Variants in GYG2 observed in about 807,000 individuals in gnomAD.
The protein encoded by GYG2 is glycogenin 2, also known as glycogenin-2.
A neutral mutation model predicts 29.4 loss-of-function variants in GYG2; 29 were observed. The ratio of observed to expected loss-of-function variants is 0.99; its 90% CI spans 0.74 to 1.35. GYG2 has a LOEUF of 1.35. Ranked by LOEUF, GYG2 falls within the 40% of genes most tolerant of loss-of-function variation. GYG2 has a pLI of 0.00. For synonymous variants in GYG2, 167 were observed against 172.3 expected (o/e 0.97, Z 0.24); for missense variants, 370 against 385.7 (o/e 0.96, Z 0.34).
intron 8 of GYG2, among the ~76,000 whole-genome samples, chrX:2,863,224 G>A (rs1186376212): frequency 1.8e-5 from 2 of 109,477 alleles, no homozygotes; most frequent in Admixed American, 9.7e-5. Flanking sequence ...GCAGGTGCCC[G>A]CCACCGCGCC....
rs1197552720 is a variant in GYG2 at position 2,846,014 on chromosome X, T to TAC, written c.149+2670_149+2671dup. The stretch of plus-strand genomic sequence containing the variant: ...ATATATGTATATATATACATATATA[T>TAC]ACACACACACATATATATACACATA... On this transcript the variant is annotated intron_variant, in intron 3 of 10. Coordinates refer to ENST00000398806, the MANE Select transcript of GYG2 (RefSeq NM_001079855.2). Among the ~76,000 whole-genome samples the TAC allele has an allele frequency of 9.5e-5, 8 of 84,151 alleles. No individual in the cohort carries two copies. The South Asian group carries it at 1.9e-3, about 20-fold the overall frequency. 73.1% of individuals were successfully genotyped at this position (84,151 alleles called of 115,157 possible).
At chrX:2,879,909 AGATGGATG>A (rs771717765) in intron 10 of GYG2, among the ~76,000 whole-genome samples, 4 of 110,492 alleles carry the variant, frequency 3.6e-5, no homozygotes, top group Non-Finnish European at 1.9e-5. Flanking sequence ...ATGGATGGAC[AGATGGATG>A]GATGGATGGA....
chrX:2,878,166 T>C (rs2088641598), intron 10 of GYG2: 2 of 738,733 alleles, frequency 2.7e-6, no homozygotes, highest in East Asian at 1.5e-4. Flanking sequence ...ATTGAATCTG[T>C]AGTTATTAGT....
At position 2,881,273 on chromosome X, in the gene GYG2, C is replaced by T. The variant is rs185729955; in HGVS notation, c.*60C>T. 2.2e-5 allele frequency: 21 copies of T among 941,925 alleles called. No homozygotes were observed. In the Admixed American group the frequency reaches 5.5e-4, roughly 25 times the overall value. The allele number at this position is 941,925 out of a possible 1,213,427, so 77.6% of individuals were successfully genotyped here. On this transcript the variant is annotated 3_prime_UTR_variant, in exon 11 of 11. Transcript: ENST00000398806. ...AATGTCCTGTTGGGTGGTCCTGTTG[C>T]GTGGAGATCTCCTCTGGTCCTTTCA...
intron 3 of GYG2, among the ~76,000 whole-genome samples, chrX:2,846,050 TATATA>T (rs1410865273): frequency 5.7e-4 from 12 of 20,923 alleles, no homozygotes; most frequent in South Asian, 5.4e-3. Context: ...TATATATATA[TATATA>T]TTTTTTTTTT....
rs747104192 is a variant in GYG2, at chrX:2,859,718, T to C, written c.615-125T>C. 48 of 450,912 alleles carry C rather than the reference T, an allele frequency of 1.1e-4. No homozygotes were observed. The East Asian group carries it at 1.6e-3, about 15-fold the overall frequency. 37.2% of individuals were successfully genotyped at this position (450,912 alleles called of 1,213,427 possible). On this transcript the variant is annotated intron_variant, in intron 6 of 10. Transcript: ENST00000398806. ...TATCATCAGTAATAATAATCAATAA[T>C]GGAAACCCATTGGGACAAGTCCTTC...
intron 4 of GYG2, among the ~76,000 whole-genome samples, chrX:2,854,609 T>C: frequency 8.9e-6 from 1 of 111,798 alleles, no homozygotes; most frequent in Non-Finnish European, 1.9e-5. Flanking sequence ...ATAACCACAG[T>C]ATTTTACACG....
At chrX:2,846,053 ATATTTTTTTTTTTTTTT>A (rs1322141416) in intron 3 of GYG2, among the ~76,000 whole-genome samples, 42 of 29,968 alleles carry the variant, frequency 1.4e-3, no homozygotes, top group South Asian at 3.2e-3. Context: ...ATATATATAT[ATATTTTTTTTTTTTTTT>A]TTTTTTTTTT....
chrX:2,876,903 C>A (rs1023426406), intron 9 of GYG2, among the ~76,000 whole-genome samples: 2 of 110,432 alleles, frequency 1.8e-5, no homozygotes, highest in Non-Finnish European at 3.8e-5. Flanking sequence ...GAGCCGAGAT[C>A]ACGTCACTGC....
At chrX:2,870,750 A>G (rs2088449097) in intron 8 of GYG2, among the ~76,000 whole-genome samples, 1 of 111,850 alleles carries the variant, frequency 8.9e-6, no homozygotes. Flanking sequence ...TACCTTGAAA[A>G]TTTTTATCTT....
Position 2,860,103 on chromosome X carries a change from C to T in GYG2, c.837+38C>T, listed in dbSNP as rs776345214. 4.9e-5 allele frequency: 44 copies of T among 897,469 alleles called. No homozygotes were observed. The South Asian group carries it at 4.9e-4, about 10-fold the overall frequency. 74.0% of individuals were successfully genotyped at this position (897,469 alleles called of 1,213,427 possible). A position where few individuals can be genotyped will look rare whatever the true frequency, so the allele number is the denominator to read the frequency against. ...TTCCCTTAAAACCCGTAGCTGAGGA[C>T]GAGGAGAACATCCTTGTCACCAAGG... On this transcript the variant is annotated intron_variant, in intron 7 of 10. Transcript: ENST00000398806.
intron 3 of GYG2, among the ~76,000 whole-genome samples, chrX:2,846,056 T>TATATATATATATATATATATA (rs1491432509): frequency 3.1e-4 from 3 of 9,733 alleles, no homozygotes; most frequent in African/African-American, 3.6e-4. Context: ...TATATATATA[T>TATATATATATATATATATATA]TTTTTTTTTT....
chrX:2,870,229 A>G (rs2088431546), intron 8 of GYG2, among the ~76,000 whole-genome samples: 1 of 108,989 alleles, frequency 9.2e-6, no homozygotes, highest in Non-Finnish European at 1.9e-5. Context: ...TGAGACAGAG[A>G]CTTGCTCTGT....
rs183175449 is a variant in GYG2 at position 2,835,953 on chromosome X, G to A, written c.7+5758G>A. ...GGACTGTGATGAGAAGGGTCGTCTTGGGGAGCAGGGTTTGCAGGAAGATCT... is the reference window on the plus strand; with the variant it reads ...GGACTGTGATGAGAAGGGTCGTCTTAGGGAGCAGGGTTTGCAGGAAGATCT... On this transcript the variant is annotated intron_variant, in intron 2 of 10. Coordinates refer to ENST00000398806, the MANE Select transcript of GYG2 (RefSeq NM_001079855.2). Among the ~76,000 whole-genome samples, 19 of 110,617 alleles carry A rather than the reference G, an allele frequency of 1.7e-4. No individual in the cohort carries two copies. In the East Asian group the frequency reaches 5.4e-3, roughly 32 times the overall value.
chrX:2,853,232 A>C (rs891234460), intron 3 of GYG2, among the ~76,000 whole-genome samples: 1 of 110,767 alleles, frequency 9.0e-6, no homozygotes, highest in African/African-American at 3.3e-5. Flanking sequence ...TTGTTTTGAG[A>C]TAGAGTCTCG....
intron 3 of GYG2, among the ~76,000 whole-genome samples, chrX:2,843,838 C>T (rs1312866522): frequency 5.4e-5 from 6 of 111,295 alleles, no homozygotes; most frequent in South Asian, 3.8e-4. Flanking sequence ...GACAGGGTTT[C>T]GCCACGTTGC....
Position 2,882,701 on chromosome X carries a change from G to C in GYG2, c.*1488G>C, listed in dbSNP as rs1197456783. 4 of 110,139 alleles carry C rather than the reference G, an allele frequency of 3.6e-5. No homozygotes were observed. Among genetic ancestry groups the C allele is most frequent in the Non-Finnish European group, 7.6e-5 (4 of 52,802 alleles). 9.1% of individuals were successfully genotyped at this position (110,139 alleles called of 1,213,427 possible). On this transcript the variant is annotated 3_prime_UTR_variant, in exon 11 of 11. Transcript: ENST00000398806. Reference sequence around the variant, plus strand: ...TCTGAGGACCAGAATTCATGTTCACGGGCAGTGATGAGTTGGCTTATGGAG... The same window carrying C: ...TCTGAGGACCAGAATTCATGTTCACCGGCAGTGATGAGTTGGCTTATGGAG...
chrX:2,877,431 C>T (rs770364393), intron 10 of GYG2, 124 bp downstream of exon 10: 5 of 1,093,168 alleles, frequency 4.6e-6, no homozygotes, highest in South Asian at 4.7e-5. Flanking sequence ...AAATAAGAAT[C>T]GGCTTCCCTC....
At chrX:2,858,882 A>C (rs747707204) in intron 6 of GYG2, among the ~76,000 whole-genome samples, 45 of 111,734 alleles carry the variant, frequency 4.0e-4, no homozygotes, top group Non-Finnish European at 5.1e-4. Flanking sequence ...TAAAAGAGAA[A>C]AAAAGCCAAT....
Sources: gnomAD v4.1 joint callset for allele counts (sites outside exome capture counted in the v4.1 genomes callset) on GRCh38, gnomAD v4.1.1 for gene constraint, MANE v1.5 for transcripts, NCBI Gene and HGNC (gene_info 2026-07-23, HGNC 2026-07-21) for gene names.